The following EPB41L1 variants were observed in gnomAD, a reference collection of about 807,000 sequenced individuals.
EPB41L1 encodes the protein band 4.1-like protein 1.
EPB41L1 carries 29 observed loss-of-function variants against 97.8 expected under a neutral mutation model. That is an observed-to-expected ratio of 0.30 (90% CI 0.22 to 0.40). EPB41L1 has a LOEUF of 0.40. Ranked by LOEUF, EPB41L1 falls within the 10% of genes least tolerant of loss-of-function variation. The probability of loss-of-function intolerance (pLI) is 1.00; values close to 1 mark genes in which losing one functional copy is unlikely to be tolerated. For synonymous variants in EPB41L1, 383 were observed against 459.2 expected (o/e 0.83, Z 2.12); for missense variants, 812 against 1,162.3 (o/e 0.70, Z 4.38).
chr20:36,102,809 A>G (rs968313907), intron 1 of EPB41L1, among the ~76,000 whole-genome samples: 14 of 152,216 alleles, frequency 9.2e-5, no homozygotes, highest in Admixed American at 2.0e-4. Context: ...CCCACTCACC[A>G]TAATTGAGCA....
chr20:36,215,008 G>A (rs1425747712), intron 17 of EPB41L1, among the ~76,000 whole-genome samples: 2 of 150,868 alleles, frequency 1.3e-5, no homozygotes, highest in East Asian at 3.9e-4. Flanking sequence ...TCTGCAAAAT[G>A]GCAATAATCC....
At chr20:36,137,929 A>G (rs769334743) in intron 2 of EPB41L1, among the ~76,000 whole-genome samples, 26 of 152,172 alleles carry the variant, frequency 1.7e-4, no homozygotes, top group Non-Finnish European at 2.8e-4. Flanking sequence ...TGTAACTGCA[A>G]ATTGGACTAG....
chr20:36,228,146 G>A (rs2064288096), intron 21 of EPB41L1, among the ~76,000 whole-genome samples: 1 of 152,190 alleles, frequency 6.6e-6, no homozygotes, highest in African/African-American at 2.4e-5. Flanking sequence ...CAGAAATGAT[G>A]TTTCATCCAT....
At chr20:36,223,178 G>A (rs1401963562) in intron 21 of EPB41L1, among the ~76,000 whole-genome samples, 17 of 152,134 alleles carry the variant, frequency 1.1e-4, no homozygotes, top group African/African-American at 3.1e-4. Context: ...GATTACAGGC[G>A]TGAGCCACCG....
intron 5 of EPB41L1, among the ~76,000 whole-genome samples, chr20:36,179,318 C>G (rs116732850): frequency 0.059 from 9,011 of 152,208 alleles, 331 homozygotes; most frequent in South Asian, 0.17. Context: ...GGGCTGGAAA[C>G]AGCCACCCTT....
intron 17 of EPB41L1, among the ~76,000 whole-genome samples, chr20:36,217,996 CAG>C (rs1175790044): frequency 6.6e-6 from 1 of 152,158 alleles, no homozygotes; most frequent in East Asian, 1.9e-4. Context: ...TAGAAGCAGG[CAG>C]CTGGGCCCTG....
chr20:36,206,007 G>T lies in EPB41L1; in HGVS notation c.1669-3481G>T. On this transcript the variant is annotated intron_variant, in intron 14 of 21. Transcript: ENST00000338074. This position sits in a 1 kb window ranked among gnomAD's most constrained non-coding sequence, Gnocchi z 5.5. ...CCAAGGTAGACGTTCTGGTGGACAA[G>T]TTCAAAGTGGAAGTGGCCACAGAAG... 7.8e-7 allele frequency: 1 copy of T among 1,289,892 alleles called. No individual in the cohort carries two copies. The highest frequency in any genetic ancestry group is 1.2e-5 in the South Asian group (1 of 81,034). 79.9% of individuals were successfully genotyped at this position (1,289,892 alleles called of 1,614,324 possible).
rs754822027 is a variant in EPB41L1 at position 36,175,630 on chromosome 20, C to T, written c.257C>T (p.Ser86Leu). The T allele has an allele frequency of 6.8e-6, 11 of 1,614,078 alleles. No individual in the cohort carries two copies. The highest frequency in any genetic ancestry group is 1.1e-5 in the South Asian group (1 of 91,082). The change falls in exon 3 of 22, where the codon TCG becomes TTG. Residue 86 changes from serine (S) to leucine (L), a missense_variant. Around this residue, in one of 3 missense-constraint regions of EPB41L1, gnomAD observed 230 missense variants for 445.2 expected, o/e 0.52. Transcript: ENST00000338074. ...ACCACGCCCAGCAAGGCCCAGAAAT[C>T]GCCCCAGAAGATTGCCAAGAAATAC... ...ERTTPSKAQK[S>L]PQKIAKKYKS...
At chr20:36,146,673 G>T (rs1046658709) in intron 2 of EPB41L1, among the ~76,000 whole-genome samples, 3 of 152,230 alleles carry the variant, frequency 2.0e-5, no homozygotes, top group African/African-American at 7.2e-5. Flanking sequence ...AGCAGTGCCA[G>T]CTTCTGGAAG....
rs976299422 is a variant in EPB41L1, at chr20:36,092,873, G to A, written c.-65+1261G>A. 6.6e-6 allele frequency: 1 copy of A among 152,208 alleles called. No individual in the cohort carries two copies. The highest frequency in any genetic ancestry group is 1.9e-4 in the East Asian group (1 of 5,168). The allele number at this position is 152,208 out of a possible 1,614,324, so 9.4% of individuals were successfully genotyped here. The stretch of plus-strand genomic sequence containing the variant: ...GGGACCCCGCCGCGTCGGGTCCCGC[G>A]TGTGCGTGTGGGGTGGCCGCCGAGG... On this transcript the variant is annotated intron_variant, in intron 1 of 19. Transcript: ENST00000202028. The surrounding 1 kb of genome is among the most constrained non-coding windows in gnomAD (Gnocchi z 7.0).
At chr20:36,170,313 A>T (rs979511124) in intron 1 of EPB41L1, among the ~76,000 whole-genome samples, 1 of 152,204 alleles carries the variant, frequency 6.6e-6, no homozygotes, top group African/African-American at 2.4e-5. Flanking sequence ...AAAACCAAGA[A>T]CTACAGTTAA....
At chr20:36,129,152 G>A (rs2059089650) in intron 2 of EPB41L1, among the ~76,000 whole-genome samples, 1 of 151,860 alleles carries the variant, frequency 6.6e-6, no homozygotes, top group Non-Finnish European at 1.5e-5. Context: ...GGGTGGGGGT[G>A]AGGGGTGGGT....
intron 2 of EPB41L1, chr20:36,148,738 A>C (rs999339170): frequency 2.0e-5 from 3 of 152,358 alleles, no homozygotes; most frequent in African/African-American, 7.2e-5. Context: ...TGGGATGCCC[A>C]GACATGTACA....
intron 1 of EPB41L1, among the ~76,000 whole-genome samples, chr20:36,098,420 C>T (rs936375731): frequency 6.6e-6 from 1 of 152,174 alleles, no homozygotes; most frequent in African/African-American, 2.4e-5. Flanking sequence ...ATCCAGGTGT[C>T]AGCAAGGTTG....
chr20:36,170,298 G>A (rs976753278), intron 1 of EPB41L1, among the ~76,000 whole-genome samples: 10 of 151,884 alleles, frequency 6.6e-5, no homozygotes, highest in African/African-American at 2.4e-4. Flanking sequence ...TCCAAGTATA[G>A]TAGCAAAACC....
At chr20:36,194,544 G>C (rs1252318105) in intron 12 of EPB41L1, among the ~76,000 whole-genome samples, 184 bp downstream of exon 12, 1 of 152,158 alleles carries the variant, frequency 6.6e-6, no homozygotes, top group South Asian at 2.1e-4. Flanking sequence ...GGATGGGGTG[G>C]GCATGGGAGT....
chr20:36,194,115 T>C, intron 11 of EPB41L1, 97 bp from the exon 12 acceptor site: 1 of 1,533,296 alleles, frequency 6.5e-7, no homozygotes, highest in East Asian at 2.3e-5. Context: ...AAGAGTTGGC[T>C]CCACTCCAGG....
chr20:36,132,202 C>G (rs2059236660), intron 2 of EPB41L1, among the ~76,000 whole-genome samples: 1 of 152,132 alleles, frequency 6.6e-6, no homozygotes, highest in Admixed American at 6.5e-5. Context: ...CCCTAGACTT[C>G]TAGAGGTCAA....
intron 14 of EPB41L1, among the ~76,000 whole-genome samples, chr20:36,199,636 T>C (rs2062389071): frequency 6.6e-6 from 1 of 152,186 alleles, no homozygotes. Context: ...GACCTCTGCA[T>C]CCATGAAGGG....
Sources: gnomAD v4.1 joint callset for allele counts (sites outside exome capture counted in the v4.1 genomes callset) on GRCh38, gnomAD v4.1.1 for gene constraint, gnomAD v4.1.1 regional missense constraint, Gnocchi (gnomAD v3.1) non-coding constraint, MANE v1.5 for transcripts, NCBI Gene and HGNC (gene_info 2026-07-23, HGNC 2026-07-21) for gene names.